PSMF1: variants seen among roughly 807,000 people sequenced by gnomAD.
PSMF1 encodes the protein proteasome inhibitor PI31 subunit.
Under a neutral mutation model 29.3 loss-of-function variants are expected in PSMF1, and 30 were observed. The ratio of observed to expected loss-of-function variants is 1.02; its 90% CI spans 0.77 to 1.39. The LOEUF (loss-of-function observed/expected upper bound fraction) is 1.39. Among genes scored for constraint, PSMF1 ranks in the 40% most tolerant of loss-of-function variants. PSMF1 has a pLI of 0.00. For synonymous variants in PSMF1, 134 were observed against 139.7 expected (o/e 0.96, Z 0.29); for missense variants, 344 against 357.5 (o/e 0.96, Z 0.31).
At position 1,164,645 on chromosome 20, in the gene PSMF1, C is replaced by G. The variant is rs1236098842; in HGVS notation, c.764+169C>G. Among the ~76,000 whole-genome samples the G allele has an allele frequency of 6.6e-6, 1 of 152,154 alleles. No homozygotes were observed. Among genetic ancestry groups the G allele is most frequent in the African/African-American group, 2.4e-5 (1 of 41,426 alleles). On this transcript the variant is annotated intron_variant, in intron 6 of 6. Transcript: ENST00000335877. This position sits in a 1 kb window ranked among gnomAD's most constrained non-coding sequence, Gnocchi z 4.1. Reference sequence around the variant, plus strand: ...GCCCTGCCTGATTTCTCCCTGGAGCCTTCTAGGAGCTTCCTATCCCTCAGT... The same window carrying G: ...GCCCTGCCTGATTTCTCCCTGGAGCGTTCTAGGAGCTTCCTATCCCTCAGT...
chr20:1,162,700 T>C (rs2086681565), intron 4 of PSMF1, among the ~76,000 whole-genome samples: 2 of 152,204 alleles, frequency 1.3e-5, no homozygotes, highest in Admixed American at 1.3e-4. Flanking sequence ...TGAGAAGTAC[T>C]GTTCTAGCTG....
intron 4 of PSMF1, among the ~76,000 whole-genome samples, chr20:1,159,237 C>T (rs2086636048): frequency 6.6e-6 from 1 of 151,980 alleles, no homozygotes; most frequent in African/African-American, 2.4e-5. Context: ...ATGGGGGTCT[C>T]ATTATGTTGC....
chr20:1,146,249 CTCTT>C (rs2086448431), intron 4 of PSMF1, among the ~76,000 whole-genome samples: 1 of 151,894 alleles, frequency 6.6e-6, no homozygotes, highest in Non-Finnish European at 1.5e-5. Context: ...TTCTTAAACT[CTCTT>C]TCTGCCTTTT....
At chr20:1,115,774 C>T (rs1281434016), upstream of PSMF1, among the ~76,000 whole-genome samples, 2 of 151,030 alleles carry the variant, frequency 1.3e-5, no homozygotes, top group Non-Finnish European at 2.9e-5. Context: ...TCTTTATCAC[C>T]CAGGCTAGAG....
rs2086047513 is a variant in PSMF1, at chr20:1,119,000, C to A, written c.129+98C>A. 2.7e-6 allele frequency: 4 copies of A among 1,484,202 alleles called. No individual in the cohort carries two copies. In the Admixed American group the frequency reaches 7.3e-5, roughly 27 times the overall value. The allele number at this position is 1,484,202 out of a possible 1,614,324, so 91.9% of individuals were successfully genotyped here. On this transcript the variant is annotated intron_variant, in intron 1 of 6. Coordinates refer to ENST00000335877, the MANE Select transcript of PSMF1 (RefSeq NM_006814.5). ...TCCAGAGCGCCCGATTTCCCCGCTT[C>A]TCCCAGTGCAGGGTCTGGGGCAGAT... is the stretch of plus-strand genomic sequence containing the variant.
chr20:1,141,647 T>C (rs1600156862), intron 4 of PSMF1, among the ~76,000 whole-genome samples: 2 of 152,158 alleles, frequency 1.3e-5, no homozygotes, highest in African/African-American at 4.8e-5. Context: ...ACCACTCTTA[T>C]TCAGCATAAT....
chr20:1,169,458 G>A lies in PSMF1; in HGVS notation c.*4378G>A, dbSNP rs1034590924. Among the ~76,000 whole-genome samples, 6 of 152,330 alleles carry A rather than the reference G, an allele frequency of 3.9e-5. No homozygotes were observed. The highest frequency in any genetic ancestry group is 1.9e-4 in the East Asian group (1 of 5,180). On this transcript the variant is annotated 3_prime_UTR_variant, in exon 7 of 7. Transcript: ENST00000335877. ...ACTGGATGCCCATTTGAACAGCTGC[G>A]TTCCAGATGAGCCACCTAAGGTGGA... is the stretch of plus-strand genomic sequence containing the variant.
At chr20:1,129,428 C>T (rs1282102157) in intron 3 of PSMF1, among the ~76,000 whole-genome samples, 1 of 152,180 alleles carries the variant, frequency 6.6e-6, no homozygotes, top group Non-Finnish European at 1.5e-5. Context: ...TTCCAGTCCT[C>T]ACAGACTTTC....
intron 3 of PSMF1, among the ~76,000 whole-genome samples, chr20:1,127,791 G>A (rs2086178462): frequency 6.6e-6 from 1 of 152,198 alleles, no homozygotes; most frequent in South Asian, 2.1e-4. Context: ...AGTCAGAGCA[G>A]ACTCCTGGGA....
Position 1,165,098 on chromosome 20 carries a change from C to T in PSMF1, c.*18C>T. On this transcript the variant is annotated 3_prime_UTR_variant, in exon 7 of 7. Coordinates refer to ENST00000335877, the MANE Select transcript of PSMF1 (RefSeq NM_006814.5). ...ACCTGTGAAGGCCTCAAGAATGTAACATCCCAGGCTTCCCTCCATTCTCCT... is the reference window on the plus strand; with the variant it reads ...ACCTGTGAAGGCCTCAAGAATGTAATATCCCAGGCTTCCCTCCATTCTCCT... 1 of 1,614,204 alleles carries T rather than the reference C, an allele frequency of 6.2e-7. No individual in the cohort carries two copies. The highest frequency in any genetic ancestry group is 1.1e-5 in the South Asian group (1 of 91,088).
chr20:1,114,465 A>G (rs2085996703), upstream of PSMF1, among the ~76,000 whole-genome samples: 1 of 152,216 alleles, frequency 6.6e-6, no homozygotes, highest in Non-Finnish European at 1.5e-5. Context: ...GTGTTCTGTA[A>G]GATGCCAGCT....
intron 3 of PSMF1, among the ~76,000 whole-genome samples, chr20:1,130,538 A>G (rs1352241555): frequency 1.3e-5 from 2 of 152,182 alleles, no homozygotes; most frequent in Non-Finnish European, 2.9e-5. Flanking sequence ...TCACGTAGCC[A>G]ACTCCTGTTT....
intron 3 of PSMF1, among the ~76,000 whole-genome samples, chr20:1,129,526 C>T (rs968566071): frequency 2.6e-5 from 4 of 152,212 alleles, no homozygotes; most frequent in Non-Finnish European, 5.9e-5. Context: ...TTTACATATT[C>T]CCCTCCTGCA....
chr20:1,116,447 A>G (rs1180932811), upstream of PSMF1, among the ~76,000 whole-genome samples: 1 of 152,240 alleles, frequency 6.6e-6, no homozygotes, highest in Non-Finnish European at 1.5e-5. Flanking sequence ...TCTCTGCAGA[A>G]GGGGTTCAAG....
chr20:1,152,058 C>T (rs537623939), intron 4 of PSMF1, among the ~76,000 whole-genome samples: 45 of 151,926 alleles, frequency 3.0e-4, no homozygotes, highest in African/African-American at 9.9e-4. Flanking sequence ...GGTTGGGACT[C>T]GGTTAACCAC....
At chr20:1,113,493 C>CACACACACACACACACACACACACA (rs3222210) in intron 1 of PSMF1, 2 of 155,032 alleles carry the variant, frequency 1.3e-5, no homozygotes, top group East Asian at 1.9e-4. Flanking sequence ...CACACACACA[C>CACACACACACACACACACACACACA]CAGCCCCAGG....
intron 4 of PSMF1, among the ~76,000 whole-genome samples, chr20:1,162,886 A>G (rs1439697280): frequency 1.3e-5 from 2 of 152,150 alleles, no homozygotes; most frequent in Non-Finnish European, 2.9e-5. Flanking sequence ...ACCAATATTA[A>G]TATTTTAAAA....
intron 4 of PSMF1, among the ~76,000 whole-genome samples, chr20:1,150,799 T>C (rs1305864126): frequency 6.6e-6 from 1 of 152,178 alleles, no homozygotes; most frequent in Non-Finnish European, 1.5e-5. Context: ...CTTTTCCCTT[T>C]ATGTTTGGTG....
intron 4 of PSMF1, among the ~76,000 whole-genome samples, chr20:1,150,200 T>C (rs2086510496): frequency 6.6e-6 from 1 of 151,544 alleles, no homozygotes. Flanking sequence ...AAAAAAGTGC[T>C]TTATGCCCGT....
Sources: gnomAD v4.1 joint callset for allele counts (sites outside exome capture counted in the v4.1 genomes callset) on GRCh38, gnomAD v4.1.1 for gene constraint, Gnocchi (gnomAD v3.1) non-coding constraint, MANE v1.5 for transcripts, NCBI Gene and HGNC (gene_info 2026-07-23, HGNC 2026-07-21) for gene names.